Variants in BACH2 observed in about 807,000 individuals in gnomAD.
BACH2 encodes the protein transcription regulator protein BACH2.
In BACH2, 5 loss-of-function variants were observed where a neutral mutation model predicts 61.8. The observed-to-expected ratio is 0.08, with a 90% CI of 0.04 to 0.17. BACH2 has a LOEUF of 0.17. BACH2 is among the 10% of genes least tolerant of loss of function. The pLI is 1.00. For missense variants in BACH2, 824 were observed against 1,091.1 expected, an observed-to-expected ratio of 0.76 and a Z score of 3.45; for synonymous variants, 446 against 440.1, an observed-to-expected ratio of 1.01 and a Z score of -0.17.
intron 6 of BACH2, chr6:89,953,298 C>T (rs111532081): frequency 4.1e-4 from 63 of 152,318 alleles, no homozygotes; most frequent in African/African-American, 1.2e-3. Flanking sequence ...GATGAGGAGA[C>T]GTGCTGGATT....
intron 5 of BACH2, among the ~76,000 whole-genome samples, chr6:90,012,689 GAC>G (rs1777790244): frequency 6.6e-6 from 1 of 150,640 alleles, no homozygotes; most frequent in South Asian, 2.1e-4. Context: ...TTTTTTTGGA[GAC>G]AGTCTCACTC....
chr6:90,275,351 C>T (rs1341300821), intron 1 of BACH2, among the ~76,000 whole-genome samples: 1 of 152,162 alleles, frequency 6.6e-6, no homozygotes, highest in Non-Finnish European at 1.5e-5. Flanking sequence ...GGTTTCTCCC[C>T]TACCTCCCCC....
At chr6:89,966,018 A>C (rs1775028805) in intron 6 of BACH2, among the ~76,000 whole-genome samples, 2 of 152,300 alleles carry the variant, frequency 1.3e-5, no homozygotes, top group South Asian at 4.1e-4. Context: ...AAAAGTACTA[A>C]AAATTCTGAA....
At chr6:90,267,214 C>T (rs11961698) in intron 2 of BACH2, among the ~76,000 whole-genome samples, 8,963 of 151,656 alleles carry the variant, frequency 0.059, 883 homozygotes, top group African/African-American at 0.21. Flanking sequence ...GAGTGTACCA[C>T]AGACAGAAAA....
intron 2 of BACH2, among the ~76,000 whole-genome samples, chr6:90,260,000 C>A (rs1005946845): frequency 6.6e-6 from 1 of 151,436 alleles, no homozygotes; most frequent in African/African-American, 2.4e-5. Context: ...AAAAAAAAAC[C>A]CAACTCTTAA....
chr6:90,269,110 G>A (rs618371), intron 2 of BACH2, among the ~76,000 whole-genome samples: 115,354 of 152,032 alleles, frequency 0.76, 45,059 homozygotes, highest in African/African-American at 0.94. Context: ...CTCCCCTCTC[G>A]TCCTTCTGAA....
chr6:90,193,787 A>T (rs551495607), intron 4 of BACH2, among the ~76,000 whole-genome samples: 2 of 152,238 alleles, frequency 1.3e-5, no homozygotes, highest in Non-Finnish European at 2.9e-5. Context: ...ATAGGACCTA[A>T]TTAATTTAAG....
At chr6:90,135,709 G>A (rs139635254) in intron 4 of BACH2, among the ~76,000 whole-genome samples, 50 of 152,298 alleles carry the variant, frequency 3.3e-4, no homozygotes, top group African/African-American at 1.2e-3. Flanking sequence ...GCAAGACTCC[G>A]TCTAATAAGA....
At chr6:89,985,122 G>T (rs1776167642) in intron 6 of BACH2, among the ~76,000 whole-genome samples, 1 of 152,190 alleles carries the variant, frequency 6.6e-6, no homozygotes, top group Non-Finnish European at 1.5e-5. Flanking sequence ...CTAACAGGTA[G>T]CAAAGTGTTG....
At chr6:90,139,966 G>A (rs1298439106) in intron 4 of BACH2, among the ~76,000 whole-genome samples, 2 of 152,096 alleles carry the variant, frequency 1.3e-5, no homozygotes, top group Admixed American at 1.3e-4. Context: ...ATAAGTCAGG[G>A]GCAAGCAGTC....
At chr6:90,103,029 A>ATATATATATTTT in intron 4 of BACH2, among the ~76,000 whole-genome samples, 37 of 21,164 alleles carry the variant, frequency 1.7e-3, no homozygotes, top group Non-Finnish European at 2.8e-3. Context: ...ATATATATAT[A>ATATATATATTTT]TTTTTTTTTT....
At chr6:89,995,246 C>T (rs1455731584) in intron 6 of BACH2, among the ~76,000 whole-genome samples, 2 of 151,394 alleles carry the variant, frequency 1.3e-5, no homozygotes, top group African/African-American at 2.4e-5. Flanking sequence ...TCCCACCCCA[C>T]CACCATCCCC....
chr6:89,940,780 A>C (rs1339908272), intron 7 of BACH2, among the ~76,000 whole-genome samples: 1 of 152,184 alleles, frequency 6.6e-6, no homozygotes, highest in Non-Finnish European at 1.5e-5. Flanking sequence ...TGAATACTGT[A>C]TGTTATTTAA....
At chr6:90,261,342 G>C (rs758395173) in intron 2 of BACH2, among the ~76,000 whole-genome samples, 1 of 152,184 alleles carries the variant, frequency 6.6e-6, no homozygotes, top group Non-Finnish European at 1.5e-5. Context: ...CCTCCAGGAT[G>C]TAAACTTGCT....
rs368656226 is a variant in BACH2, at chr6:90,016,183, T to C, written c.-12-7327A>G. ...AAATGTGATTCTTGTAAGTAACATA[T>C]AATTGGGTCTTGCTTTTTAAAAAAA... On this transcript the variant is annotated intron_variant, in intron 5 of 8. Transcript: ENST00000257749. Among the ~76,000 whole-genome samples the C allele has an allele frequency of 8.1e-4, 123 of 152,314 alleles. 1 individual carries two copies. The highest frequency in any genetic ancestry group is 2.1e-3 in the East Asian group (11 of 5,188).
chr6:90,176,372 G>T (rs1278427405), intron 4 of BACH2, among the ~76,000 whole-genome samples: 2 of 152,104 alleles, frequency 1.3e-5, no homozygotes, highest in Admixed American at 6.5e-5. Context: ...AGAGTTCAGT[G>T]GTCGAAAAAC....
At chr6:90,138,771 A>T (rs576444401) in intron 4 of BACH2, among the ~76,000 whole-genome samples, 312 of 152,334 alleles carry the variant, frequency 2.0e-3, no homozygotes, top group African/African-American at 7.2e-3. Flanking sequence ...CCACTAAATA[A>T]TAACTCCCAA....
intron 4 of BACH2, among the ~76,000 whole-genome samples, chr6:90,151,761 T>C (rs1009680079): frequency 5.3e-5 from 8 of 152,236 alleles, no homozygotes; most frequent in African/African-American, 1.4e-4. Context: ...GTGTCCCAAC[T>C]CCAACTTCCT....
chr6:90,018,579 A>G (rs892370571), intron 5 of BACH2, among the ~76,000 whole-genome samples: 7 of 152,246 alleles, frequency 4.6e-5, no homozygotes, highest in African/African-American at 1.7e-4. Flanking sequence ...GGCTGAAAGT[A>G]AAAGCCATAG....
Sources: allele counts gnomAD v4.1 joint callset (sites outside exome capture counted in the v4.1 genomes callset), GRCh38; gene constraint gnomAD v4.1.1; transcripts MANE v1.5; gene names NCBI Gene and HGNC (gene_info 2026-07-23, HGNC 2026-07-21).